The following SLC4A4 variants were observed in gnomAD, a reference collection of about 807,000 sequenced individuals.
SLC4A4 encodes solute carrier family 4 member 4.
A neutral mutation model predicts 111.5 loss-of-function variants in SLC4A4; 27 were observed. The observed-to-expected ratio is 0.24, with a 90% CI of 0.18 to 0.33. The LOEUF (loss-of-function observed/expected upper bound fraction) is 0.33, where lower values mean the gene tolerates loss of function less well. Among genes scored for constraint, SLC4A4 ranks in the 10% least tolerant of loss-of-function variants. The probability of loss-of-function intolerance (pLI) is 1.00; values close to 1 mark genes in which losing one functional copy is unlikely to be tolerated. For missense variants in SLC4A4, 909 were observed against 1,315.5 expected (o/e 0.69, Z 4.78); for synonymous variants, 443 against 463.4 (o/e 0.96, Z 0.57).
intron 12 of SLC4A4, among the ~76,000 whole-genome samples, chr4:71,455,532 C>T (rs370240965): frequency 7.2e-5 from 11 of 152,204 alleles, no homozygotes; most frequent in Middle Eastern, 6.8e-3. Context: ...AAACACCCTA[C>T]GGCCAGCTTG....
intron 1 of SLC4A4, among the ~76,000 whole-genome samples, chr4:71,081,516 C>T (rs975037284): frequency 6.6e-6 from 1 of 152,142 alleles, no homozygotes; most frequent in Non-Finnish European, 1.5e-5. Flanking sequence ...GGTACCTCAG[C>T]CAGTGATGCT....
intron 16 of SLC4A4, among the ~76,000 whole-genome samples, chr4:71,510,017 A>T (rs544198189): frequency 6.6e-6 from 1 of 152,248 alleles, no homozygotes; most frequent in East Asian, 1.9e-4. Flanking sequence ...TTTGCAGGGT[A>T]GAGTATATAC....
At chr4:71,202,171 C>T (rs1330467004) in intron 1 of SLC4A4, among the ~76,000 whole-genome samples, 2 of 152,196 alleles carry the variant, frequency 1.3e-5, no homozygotes, top group African/African-American at 4.8e-5. Context: ...TGCTTTATTT[C>T]TTAAACATTT....
chr4:71,406,645 C>T (rs200163258), intron 7 of SLC4A4, among the ~76,000 whole-genome samples: 35 of 140,252 alleles, frequency 2.5e-4, no homozygotes, highest in South Asian at 4.6e-4. Context: ...AACAATGATT[C>T]TTTTTTTTTT....
chr4:71,133,624 C>G (rs1239980980), intron 2 of SLC4A4, among the ~76,000 whole-genome samples: 2 of 152,158 alleles, frequency 1.3e-5, no homozygotes, highest in African/African-American at 4.8e-5. Context: ...TTAGGCTAGT[C>G]TTGGAACTAG....
intron 2 of SLC4A4, among the ~76,000 whole-genome samples, chr4:71,147,644 G>A (rs978847178): frequency 3.3e-5 from 5 of 152,104 alleles, no homozygotes; most frequent in African/African-American, 1.2e-4. Flanking sequence ...AGAATATCAA[G>A]CTAATTTATA....
chr4:71,352,732 C>G (rs969364086), intron 5 of SLC4A4, among the ~76,000 whole-genome samples: 4 of 152,138 alleles, frequency 2.6e-5, no homozygotes, highest in African/African-American at 9.7e-5. Context: ...ACATGTCTAT[C>G]CCAGTATGAA....
chr4:71,288,110 C>G (rs917951484), intron 3 of SLC4A4, among the ~76,000 whole-genome samples: 1 of 151,848 alleles, frequency 6.6e-6, no homozygotes, highest in Non-Finnish European at 1.5e-5. Context: ...TAATACTTAC[C>G]AATTGCATTT....
At chr4:71,449,211 A>G (rs2149073474) in intron 9 of SLC4A4, among the ~76,000 whole-genome samples, 1 of 152,296 alleles carries the variant, frequency 6.6e-6, no homozygotes, top group Admixed American at 6.5e-5. Context: ...GTAAAACGAC[A>G]TTGCCTACCA....
chr4:71,160,216 C>G (rs1303035958), intron 2 of SLC4A4, among the ~76,000 whole-genome samples: 1 of 152,172 alleles, frequency 6.6e-6, no homozygotes, highest in African/African-American at 2.4e-5. Context: ...TCTATAGTTA[C>G]TAATCTTACT....
chr4:71,146,449 A>C (rs1277080805), intron 2 of SLC4A4, among the ~76,000 whole-genome samples: 2 of 152,190 alleles, frequency 1.3e-5, no homozygotes, highest in Non-Finnish European at 2.9e-5. Flanking sequence ...AGAGATCTGT[A>C]GATGTCCATT....
intron 2 of SLC4A4, among the ~76,000 whole-genome samples, chr4:71,131,831 C>G (rs1307618943): frequency 6.6e-6 from 1 of 152,080 alleles, no homozygotes; most frequent in African/African-American, 2.4e-5. Context: ...CCCATGAGAT[C>G]GGGACAAGCT....
intron 1 of SLC4A4, among the ~76,000 whole-genome samples, chr4:71,209,812 TATG>T (rs538299350): frequency 3.3e-4 from 50 of 152,218 alleles, no homozygotes; most frequent in Admixed American, 6.5e-4. Flanking sequence ...AAAAATAAAT[TATG>T]ATGTATTTTT....
upstream of SLC4A4, among the ~76,000 whole-genome samples, chr4:71,186,402 AC>A (rs1457359082): frequency 6.6e-6 from 1 of 152,212 alleles, no homozygotes; most frequent in African/African-American, 2.4e-5. Context: ...TGGGAAACTC[AC>A]GCAATTTTAG....
intron 2 of SLC4A4, among the ~76,000 whole-genome samples, chr4:71,114,907 T>A (rs1203163573): frequency 1.7e-5 from 2 of 120,868 alleles, no homozygotes; most frequent in Non-Finnish European, 3.4e-5. Context: ...TGCGGCATTA[T>A]TCACAATAGC....
At chr4:71,415,043 A>C (rs918912905) in intron 7 of SLC4A4, among the ~76,000 whole-genome samples, 1 of 152,208 alleles carries the variant, frequency 6.6e-6, no homozygotes, top group Non-Finnish European at 1.5e-5. Context: ...GTGTAGTTGC[A>C]CTGAACCACC....
chr4:71,178,416 A>C (rs1178229309), intron 2 of SLC4A4, among the ~76,000 whole-genome samples: 1 of 152,208 alleles, frequency 6.6e-6, no homozygotes, highest in Non-Finnish European at 1.5e-5. Context: ...TGAATCCAGG[A>C]GCTGGTTTTT....
In SLC4A4 at chr4:71,298,307, C is replaced by T. The variant is rs531658817; in HGVS notation, c.254-41063C>T. On this transcript the variant is annotated intron_variant, in intron 3 of 25. Transcript: ENST00000264485. Reference sequence around the variant, plus strand: ...GGTTACTGCTAAGCAGTGACAATCACGGGTGTGCTAATTTCATCCTGGGAT... The same window carrying T: ...GGTTACTGCTAAGCAGTGACAATCATGGGTGTGCTAATTTCATCCTGGGAT... Among the ~76,000 whole-genome samples the T allele has an allele frequency of 3.9e-5, 6 of 152,198 alleles. No homozygotes were observed. The South Asian group carries it at 6.2e-4, about 16-fold the overall frequency.
chr4:71,482,630 A>G (rs970023787), intron 14 of SLC4A4, among the ~76,000 whole-genome samples: 1 of 151,634 alleles, frequency 6.6e-6, no homozygotes, highest in African/African-American at 2.4e-5. Context: ...CAGGAAGCTG[A>G]TAAAATTGCA....
Sources: gnomAD v4.1 joint callset for allele counts (sites outside exome capture counted in the v4.1 genomes callset) on GRCh38, gnomAD v4.1.1 for gene constraint, MANE v1.5 for transcripts, NCBI Gene and HGNC (gene_info 2026-07-23, HGNC 2026-07-21) for gene names.